The following SH2D1B variants were observed in gnomAD, a reference collection of about 807,000 sequenced individuals.
SH2D1B encodes the protein SH2 domain containing 1B, also known as SH2 domain-containing protein 1B.
In SH2D1B, 11 loss-of-function variants were observed where a neutral mutation model predicts 16.3. That is an observed-to-expected ratio of 0.67 (90% CI 0.42 to 1.11). SH2D1B has a LOEUF of 1.11. Ranked by LOEUF, SH2D1B falls within the 50% of genes most tolerant of loss-of-function variation. SH2D1B has a pLI of 0.00. For synonymous variants in SH2D1B, 55 were observed against 56.1 expected, an observed-to-expected ratio of 0.98 and a Z score of 0.09; for missense variants, 123 against 153.1, an observed-to-expected ratio of 0.80 and a Z score of 1.04.
chr1:162,398,821 A>G (rs760832600), intron 3 of SH2D1B, 102 bp downstream of exon 3: 42 of 1,338,216 alleles, frequency 3.1e-5, no homozygotes, highest in Admixed American at 1.4e-4. Context: ...TTTAGAGATA[A>G]TGTCACAGAA....
chr1:162,410,077 C>G (rs568932668), intron 1 of SH2D1B, among the ~76,000 whole-genome samples: 1 of 152,210 alleles, frequency 6.6e-6, no homozygotes, highest in East Asian at 1.9e-4. Context: ...AGCAAAGAAC[C>G]CTACTAAGTC....
At position 162,411,885 on chromosome 1, in the gene SH2D1B, G is replaced by A. The variant is rs767839480; in HGVS notation, c.132C>T (p.Val44=). 1 of 1,614,136 alleles carries A rather than the reference G, an allele frequency of 6.2e-7. No homozygotes were observed. The highest frequency in any genetic ancestry group is 1.1e-5 in the South Asian group (1 of 91,084). The change falls in exon 1 of 4, where the codon GTC becomes GTT. Residue 44 remains valine, a splice_region_variant and synonymous_variant. Transcript: ENST00000367929. ...ESIPGVLCLC[V]SFKNIVYTYR... ...GTGTGCAAGATGAGGCTACTCACGA[G>A]ACACAGAGGCACAGGACTCCTGGTA...
intron 2 of SH2D1B, chr1:162,402,501 G>C (rs1435966359): frequency 2.7e-6 from 1 of 373,626 alleles, no homozygotes; most frequent in Non-Finnish European, 4.9e-6. Context: ...CTGGACGACA[G>C]AGCGAGACTC....
intron 1 of SH2D1B, among the ~76,000 whole-genome samples, chr1:162,407,822 G>A (rs183002959): frequency 2.8e-4 from 43 of 152,244 alleles, no homozygotes; most frequent in African/African-American, 9.9e-4. Context: ...TCCTCTTACT[G>A]AAATTAACTT....
chr1:162,405,768 G>C (rs1363134211), intron 1 of SH2D1B, among the ~76,000 whole-genome samples: 4 of 152,168 alleles, frequency 2.6e-5, no homozygotes, highest in Admixed American at 6.5e-5. Flanking sequence ...GTTCAAAAAG[G>C]CTGGAATACA....
At chr1:162,403,535 T>C (rs1648582115) in intron 1 of SH2D1B, among the ~76,000 whole-genome samples, 1 of 111,074 alleles carries the variant, frequency 9.0e-6, no homozygotes, top group Non-Finnish European at 1.8e-5. Flanking sequence ...TATATATATA[T>C]ATATATATGT....
At chr1:162,403,501 AAAAAAAAAAAATATATATATATAT>A (rs1449859932) in intron 1 of SH2D1B, among the ~76,000 whole-genome samples, 11 of 37,088 alleles carry the variant, frequency 3.0e-4, no homozygotes, top group African/African-American at 7.9e-4. Context: ...AAAAAAAAAA[AAAAAAAAAAAATATATATATATAT>A]ATATATATAT....
At chr1:162,404,425 AC>A (rs1648603328) in intron 1 of SH2D1B, among the ~76,000 whole-genome samples, 1 of 152,222 alleles carries the variant, frequency 6.6e-6, no homozygotes, top group African/African-American at 2.4e-5. Context: ...AAAAATGATA[AC>A]TTGATGAGGT....
chr1:162,397,807 A>T (rs1412819747), intron 3 of SH2D1B, among the ~76,000 whole-genome samples: 1 of 151,866 alleles, frequency 6.6e-6, no homozygotes, highest in Non-Finnish European at 1.5e-5. Context: ...TGCTACCACC[A>T]CCCCAACCAG....
At chr1:162,404,158 A>G (rs923496338) in intron 1 of SH2D1B, among the ~76,000 whole-genome samples, 4 of 152,244 alleles carry the variant, frequency 2.6e-5, no homozygotes, top group Admixed American at 2.0e-4. Flanking sequence ...CAACATGGTG[A>G]AACCCTGTCT....
intron 2 of SH2D1B, 112 bp from the exon 3 acceptor site, chr1:162,399,199 G>A: frequency 9.7e-7 from 1 of 1,034,462 alleles, no homozygotes. Flanking sequence ...CTGAAAAACT[G>A]AAAACAAGTG....
At chr1:162,407,341 C>G (rs1027086880) in intron 1 of SH2D1B, among the ~76,000 whole-genome samples, 4 of 152,192 alleles carry the variant, frequency 2.6e-5, no homozygotes, top group African/African-American at 9.7e-5. Flanking sequence ...CCCAAGCCCT[C>G]AGGTCCCCTG....
At chr1:162,399,619 G>A (rs61809469) in intron 2 of SH2D1B, among the ~76,000 whole-genome samples, 14,162 of 152,188 alleles carry the variant, frequency 0.093, 854 homozygotes, top group Admixed American at 0.15. Flanking sequence ...ATCAAGCCCA[G>A]CATTCACTAG....
At chr1:162,409,583 T>G (rs548598898) in intron 1 of SH2D1B, among the ~76,000 whole-genome samples, 1 of 152,270 alleles carries the variant, frequency 6.6e-6, no homozygotes, top group African/African-American at 2.4e-5. Context: ...CCACTCTTTG[T>G]TTATTTTATT....
chr1:162,400,384 C>A (rs545049007), intron 2 of SH2D1B, among the ~76,000 whole-genome samples: 3 of 150,160 alleles, frequency 2.0e-5, no homozygotes, highest in Non-Finnish European at 4.4e-5. Flanking sequence ...TTCCGCCTCC[C>A]GGGTTCATGC....
intron 1 of SH2D1B, among the ~76,000 whole-genome samples, chr1:162,408,411 CTTCT>C (rs1648703057): frequency 1.6e-5 from 2 of 128,896 alleles, no homozygotes; most frequent in South Asian, 5.2e-4. Flanking sequence ...CTTTTTTTCT[CTTCT>C]TTTTTTTTTT....
chr1:162,397,201 G>A lies in SH2D1B; in HGVS notation c.*79C>T. Reference sequence around the variant, plus strand: ...TTGTCCACTAGAGTTTGGTGCTCTGGACCTATGCCTGCAGAAGTGGGTCAT... The same window carrying A: ...TTGTCCACTAGAGTTTGGTGCTCTGAACCTATGCCTGCAGAAGTGGGTCAT... On this transcript the variant is annotated 3_prime_UTR_variant, in exon 4 of 4. Coordinates refer to ENST00000367929, the MANE Select transcript of SH2D1B (RefSeq NM_053282.5). 1 of 1,504,868 alleles carries A rather than the reference G, an allele frequency of 6.6e-7. No individual in the cohort carries two copies. The highest frequency in any genetic ancestry group is 9.2e-7 in the Non-Finnish European group (1 of 1,082,004). The allele number at this position is 1,504,868 out of a possible 1,614,324, so 93.2% of individuals were successfully genotyped here.
intron 1 of SH2D1B, among the ~76,000 whole-genome samples, chr1:162,407,419 T>C (rs964052910): frequency 1.1e-4 from 16 of 152,142 alleles, no homozygotes; most frequent in African/African-American, 3.9e-4. Context: ...CTGGGGACAT[T>C]GGTAAGAGAG....
At chr1:162,403,141 A>C (rs1648563292) in intron 1 of SH2D1B, among the ~76,000 whole-genome samples, 1 of 152,138 alleles carries the variant, frequency 6.6e-6, no homozygotes, top group African/African-American at 2.4e-5. Context: ...GCTGATGGGA[A>C]TGTAAATTAG....
Sources: gnomAD v4.1 joint callset for allele counts (sites outside exome capture counted in the v4.1 genomes callset) on GRCh38, gnomAD v4.1.1 for gene constraint, MANE v1.5 for transcripts, NCBI Gene and HGNC (gene_info 2026-07-23, HGNC 2026-07-21) for gene names.